RGS6: variants seen among roughly 807,000 people sequenced by gnomAD.
The protein encoded by RGS6 is regulator of G protein signaling 6, also known as regulator of G-protein signaling 6.
A neutral mutation model predicts 78.5 loss-of-function variants in RGS6; 30 were observed. That is an observed-to-expected ratio of 0.38 (90% CI 0.29 to 0.52). The LOEUF (loss-of-function observed/expected upper bound fraction) is 0.52, where lower values mean the gene tolerates loss of function less well. Among genes scored for constraint, RGS6 ranks in the 20% least tolerant of loss-of-function variants. The pLI, the probability that RGS6 is intolerant of heterozygous loss-of-function variation, is 0.85. For synonymous variants in RGS6, 206 were observed against 206.0 expected, an observed-to-expected ratio of 1.00 and a Z score of 0.00; for missense variants, 495 against 609.7, an observed-to-expected ratio of 0.81 and a Z score of 1.98.
At chr14:71,990,573 A>C (rs1056181683) in intron 2 of RGS6, 1 of 455,840 alleles carries the variant, frequency 2.2e-6, no homozygotes, top group African/African-American at 2.0e-5. Flanking sequence ...TCCTGGGCAC[A>C]TTTCACAAGC....
chr14:72,207,936 C>T (rs894551174), intron 2 of RGS6, among the ~76,000 whole-genome samples: 1 of 152,176 alleles, frequency 6.6e-6, no homozygotes. Flanking sequence ...ATGAATATCT[C>T]TCAGTGGATT....
chr14:72,424,117 CTGCTTG>C (rs1489514872), intron 3 of RGS6, among the ~76,000 whole-genome samples: 1 of 152,206 alleles, frequency 6.6e-6, no homozygotes, highest in Non-Finnish European at 1.5e-5. Flanking sequence ...GGCTGCCACC[CTGCTTG>C]GGGCTATTCC....
the RGS6 span, among the ~76,000 whole-genome samples, chr14:72,627,173 C>T: frequency 4.6e-5 from 7 of 152,042 alleles, no homozygotes; most frequent in Non-Finnish European, 8.8e-5. Flanking sequence ...GATATACCAA[C>T]ATTTTATTTA....
intron 8 of RGS6, 113 bp downstream of exon 8, chr14:72,470,196 T>C (rs1433613032): frequency 2.6e-6 from 2 of 769,170 alleles, no homozygotes; most frequent in African/African-American, 1.7e-5. Flanking sequence ...GTATTTCTAA[T>C]AGGGCCTGAG....
intron 2 of RGS6, among the ~76,000 whole-genome samples, chr14:72,089,359 T>A (rs974714002): frequency 6.6e-6 from 1 of 152,242 alleles, no homozygotes; most frequent in Non-Finnish European, 1.5e-5. Context: ...TGGATGGCAT[T>A]TAATAAACGC....
intron 2 of RGS6, among the ~76,000 whole-genome samples, chr14:72,228,735 C>T (rs1409684873): frequency 6.6e-6 from 1 of 152,098 alleles, no homozygotes; most frequent in African/African-American, 2.4e-5. Context: ...ACTAGAAAGA[C>T]AAGAAACACT....
chr14:72,532,111 T>A (rs1356727651), intron 15 of RGS6, among the ~76,000 whole-genome samples: 1 of 152,248 alleles, frequency 6.6e-6, no homozygotes, highest in Non-Finnish European at 1.5e-5. Context: ...TGAAGGTTTG[T>A]GGCAACCCTG....
At chr14:71,969,302 C>T (rs1185149917) in intron 2 of RGS6, among the ~76,000 whole-genome samples, 1 of 152,136 alleles carries the variant, frequency 6.6e-6, no homozygotes, top group Non-Finnish European at 1.5e-5. Flanking sequence ...TAAAGATTTT[C>T]TAAAATGTTT....
intron 2 of RGS6, among the ~76,000 whole-genome samples, chr14:72,292,920 C>T (rs1480945457): frequency 2.6e-5 from 4 of 152,216 alleles, no homozygotes; most frequent in Non-Finnish European, 2.9e-5. Context: ...ATTTTCTGAA[C>T]GCATCACTTT....
In RGS6 at chr14:72,453,557, A is replaced by G. The variant is rs985132732; in HGVS notation, c.185-971A>G. The stretch of plus-strand genomic sequence containing the variant: ...CGTGAACCCGGGAGGCAGAGCTTGC[A>G]GTGAGCCGAGATCCCGCCACTGCAC... On this transcript the variant is annotated intron_variant, in intron 3 of 17. Coordinates refer to ENST00000553525, the MANE Select transcript of RGS6 (RefSeq NM_001204424.2). Among the ~76,000 whole-genome samples the G allele has an allele frequency of 3.0e-5, 4 of 132,528 alleles. No individual in the cohort carries two copies. The Admixed American group carries it at 3.5e-4, about 12-fold the overall frequency. The allele number at this position is 132,528 out of a possible 152,430, so 86.9% of individuals were successfully genotyped here. A position where few individuals can be genotyped will look rare whatever the true frequency, so the allele number is the denominator to read the frequency against.
intron 2 of RGS6, among the ~76,000 whole-genome samples, chr14:72,105,964 G>A (rs542848549): frequency 1.3e-5 from 2 of 152,282 alleles, no homozygotes; most frequent in South Asian, 4.2e-4. Context: ...ATTGTAAGAC[G>A]TCTTCAGCGT....
At chr14:72,451,126 G>C (rs2095482507) in intron 3 of RGS6, among the ~76,000 whole-genome samples, 1 of 152,138 alleles carries the variant, frequency 6.6e-6, no homozygotes, top group Non-Finnish European at 1.5e-5. Context: ...TGGCATGGAA[G>C]GGATGGTGGC....
the RGS6 span, among the ~76,000 whole-genome samples, chr14:71,885,753 A>G: frequency 5.2e-3 from 514 of 97,954 alleles, 5 homozygotes; most frequent in African/African-American, 0.021. Context: ...GGATACTAGC[A>G]ATTCTTTCCA....
the RGS6 span, among the ~76,000 whole-genome samples, chr14:71,902,477 A>G: frequency 5.9e-5 from 9 of 152,132 alleles, no homozygotes; most frequent in Non-Finnish European, 5.9e-5. Flanking sequence ...GGGACATTTT[A>G]TATTTCATCA....
At chr14:72,065,923 C>A (rs1017510927) in intron 2 of RGS6, among the ~76,000 whole-genome samples, 4 of 151,074 alleles carry the variant, frequency 2.6e-5, no homozygotes, top group South Asian at 4.3e-4. Context: ...CCCTCCCCCC[C>A]TCCCCCCAGC....
chr14:72,424,388 C>A (rs543455005), intron 3 of RGS6, among the ~76,000 whole-genome samples: 63 of 152,118 alleles, frequency 4.1e-4, no homozygotes, highest in Non-Finnish European at 6.9e-4. Flanking sequence ...TTTTTTAGTT[C>A]AGGGGTCAGC....
intron 15 of RGS6, among the ~76,000 whole-genome samples, chr14:72,531,431 C>CAAA (rs58751762): frequency 6.6e-4 from 44 of 66,570 alleles, no homozygotes; most frequent in African/African-American, 1.4e-3. Flanking sequence ...GACTTTATCT[C>CAAA]AAAAAAAAAA....
intron 3 of RGS6, among the ~76,000 whole-genome samples, chr14:72,403,133 C>G (rs746129198): frequency 4.6e-5 from 7 of 152,158 alleles, no homozygotes; most frequent in Admixed American, 6.5e-5. Flanking sequence ...ACCAGCATAT[C>G]AGAGGAATAC....
At chr14:72,269,447 G>A (rs994955300) in intron 2 of RGS6, among the ~76,000 whole-genome samples, 4 of 152,074 alleles carry the variant, frequency 2.6e-5, no homozygotes, top group African/African-American at 9.7e-5. Flanking sequence ...GAATAGTCAG[G>A]GCCTTTGCCC....
Sources: allele counts gnomAD v4.1 joint callset (sites outside exome capture counted in the v4.1 genomes callset), GRCh38; gene constraint gnomAD v4.1.1; transcripts MANE v1.5; gene names NCBI Gene and HGNC (gene_info 2026-07-23, HGNC 2026-07-21).